The following LARP1B variants were observed in gnomAD, a reference collection of about 807,000 sequenced individuals.
The protein encoded by LARP1B is la-related protein 1B.
LARP1B carries 76 observed loss-of-function variants against 114.2 expected under a neutral mutation model. That is an observed-to-expected ratio of 0.67 (90% CI 0.55 to 0.81). The LOEUF is 0.81. Ranked by LOEUF, LARP1B falls within the 30% of genes least tolerant of loss-of-function variation. LARP1B has a pLI of 0.00. For synonymous variants in LARP1B, 345 were observed against 348.0 expected (o/e 0.99, Z 0.10); for missense variants, 1,014 against 1,075.8 (o/e 0.94, Z 0.80).
At chr4:128,138,339 C>T (rs539936143) in intron 11 of LARP1B, among the ~76,000 whole-genome samples, 1 of 152,116 alleles carries the variant, frequency 6.6e-6, no homozygotes, top group South Asian at 2.1e-4. Context: ...TTTATAAAGA[C>T]AGATTTCTAG....
intron 1 of LARP1B, among the ~76,000 whole-genome samples, chr4:128,073,600 T>TG: frequency 2.1e-5 from 2 of 97,432 alleles, no homozygotes; most frequent in Admixed American, 1.1e-4. Context: ...TTTTTTTTTT[T>TG]TTTTTTTTTG....
At chr4:128,127,685 T>A (rs6834263) in intron 11 of LARP1B, among the ~76,000 whole-genome samples, 89,917 of 151,910 alleles carry the variant, frequency 0.59, 27,737 homozygotes, top group Middle Eastern at 0.8. Flanking sequence ...AATACAAAAT[T>A]AGCCGGGCAT....
intron 8 of LARP1B, 98 bp downstream of exon 8, chr4:128,098,428 G>GTTTT: frequency 2.1e-6 from 2 of 965,500 alleles, no homozygotes; most frequent in Non-Finnish European, 3.1e-6. Context: ...CAGACAATCT[G>GTTTT]TAGTTGCTTG....
chr4:128,221,551 A>G (rs1404217983), intron 7 of LARP1B, among the ~76,000 whole-genome samples: 1 of 152,172 alleles, frequency 6.6e-6, no homozygotes, highest in Non-Finnish European at 1.5e-5. Context: ...ATCCGCTGCT[A>G]TTGTTTTGTT....
intron 15 of LARP1B, among the ~76,000 whole-genome samples, chr4:128,189,713 A>G (rs1561533807): frequency 6.6e-6 from 1 of 152,096 alleles, no homozygotes; most frequent in Non-Finnish European, 1.5e-5. Flanking sequence ...CTTTGTGGTT[A>G]CCATGAGGCT....
At chr4:128,176,976 G>A in intron 13 of LARP1B, 69 bp downstream of exon 13, 2 of 1,328,356 alleles carry the variant, frequency 1.5e-6, no homozygotes, top group Non-Finnish European at 2.2e-6. Context: ...AAAGATGCAG[G>A]AAAGGGACTT....
intron 10 of LARP1B, among the ~76,000 whole-genome samples, chr4:128,119,046 A>G (rs1014893591): frequency 6.6e-5 from 10 of 151,690 alleles, no homozygotes; most frequent in Admixed American, 2.6e-4. Context: ...ATGCCCAGCT[A>G]ATTTTTTTGT....
chr4:128,176,883 G>T lies in LARP1B; in HGVS notation c.1660G>T (p.Gly554Ter). 1 of 1,614,028 alleles carries T rather than the reference G, an allele frequency of 6.2e-7. No homozygotes were observed. The highest frequency in any genetic ancestry group is 8.5e-7 in the Non-Finnish European group (1 of 1,179,898). The change falls in exon 13 of 20, where the codon GGA (glycine) becomes TGA (stop). Residue 554 changes from glycine (G) to a stop codon, truncating the protein, a stop_gained. Coordinates refer to ENST00000326639, the MANE Select transcript of LARP1B (RefSeq NM_018078.4). LOFTEE classifies it high-confidence loss of function. ...AACTCTCTTGGCAGGAGGTGTTCAA[G>T]GAGTGCTTCACATTCCCAAGAAAGG... is the stretch of plus-strand genomic sequence containing the variant. ...PSQSRQGGVQ[G>*]VLHIPKKDLT... is the part of the protein sequence containing the mutation.
At chr4:128,179,819 T>C (rs1183605754) in intron 15 of LARP1B, among the ~76,000 whole-genome samples, 1 of 152,170 alleles carries the variant, frequency 6.6e-6, no homozygotes, top group Non-Finnish European at 1.5e-5. Context: ...TGGCATTTAA[T>C]AGGTTCTTAG....
intron 9 of LARP1B, among the ~76,000 whole-genome samples, chr4:128,110,808 T>C (rs1298872615): frequency 6.6e-6 from 1 of 151,998 alleles, no homozygotes. Context: ...TTTAGTGTTT[T>C]AATGTCATTT....
chr4:128,126,896 CA>C, intron 11 of LARP1B, among the ~76,000 whole-genome samples: 1 of 149,934 alleles, frequency 6.7e-6, no homozygotes, highest in Middle Eastern at 3.4e-3. Context: ...GTCAGAGTTC[CA>C]GAATGAAAGG....
At chr4:128,073,201 G>T (rs1166704260) in intron 1 of LARP1B, among the ~76,000 whole-genome samples, 1 of 151,926 alleles carries the variant, frequency 6.6e-6, no homozygotes, top group African/African-American at 2.4e-5. Flanking sequence ...ATTACTTGAG[G>T]TCAGGAGTTT....
At chr4:128,124,905 G>A (rs1346881654) in intron 11 of LARP1B, among the ~76,000 whole-genome samples, 4 of 152,142 alleles carry the variant, frequency 2.6e-5, no homozygotes, top group African/African-American at 7.2e-5. Context: ...GAATTAGATA[G>A]GAATGAAAAG....
At chr4:128,158,023 TTACTC>T (rs1447676525) in intron 11 of LARP1B, among the ~76,000 whole-genome samples, 2 of 152,128 alleles carry the variant, frequency 1.3e-5, no homozygotes, top group Non-Finnish European at 2.9e-5. Context: ...GTAACTCTAT[TTACTC>T]TATCAGGCAA....
intron 15 of LARP1B, among the ~76,000 whole-genome samples, chr4:128,188,803 T>A (rs1468811407): frequency 6.6e-6 from 1 of 151,430 alleles, no homozygotes; most frequent in Non-Finnish European, 1.5e-5. Flanking sequence ...TTGTGTAGAT[T>A]CCAAAATTCT....
chr4:128,073,444 A>AAAAGAAAG (rs1553989756), intron 1 of LARP1B, among the ~76,000 whole-genome samples: 1 of 102,620 alleles, frequency 9.7e-6, no homozygotes, highest in African/African-American at 3.7e-5. Context: ...AAAAAAAAAA[A>AAAAGAAAG]AAAGAAAGAA....
chr4:128,167,186 A>G (rs913885338), intron 12 of LARP1B, among the ~76,000 whole-genome samples: 1 of 151,730 alleles, frequency 6.6e-6, no homozygotes, highest in Non-Finnish European at 1.5e-5. Context: ...GTGCAGATAG[A>G]TATCTTTCTA....
At chr4:128,072,113 C>T (rs1259517754) in intron 1 of LARP1B, among the ~76,000 whole-genome samples, 1 of 152,020 alleles carries the variant, frequency 6.6e-6, no homozygotes, top group East Asian at 1.9e-4. Flanking sequence ...GATTCTCGTG[C>T]CTCAGCCTCC....
chr4:128,079,985 TC>T (rs1221307164), intron 4 of LARP1B, among the ~76,000 whole-genome samples: 51 of 150,204 alleles, frequency 3.4e-4, no homozygotes, highest in South Asian at 4.2e-4. Context: ...CTAAAATTTG[TC>T]TTTTTTTTTT....
Sources: allele counts gnomAD v4.1 joint callset (sites outside exome capture counted in the v4.1 genomes callset), GRCh38; gene constraint gnomAD v4.1.1; transcripts MANE v1.5; gene names NCBI Gene and HGNC (gene_info 2026-07-23, HGNC 2026-07-21).